Variants in NACC1 observed in about 807,000 individuals in gnomAD.
The protein encoded by NACC1 is nucleus accumbens-associated protein 1.
Under a neutral mutation model 41.7 loss-of-function variants are expected in NACC1, and 6 were observed. The observed-to-expected ratio is 0.14, with a 90% CI of 0.08 to 0.28. The LOEUF (loss-of-function observed/expected upper bound fraction) is 0.28, where lower values mean the gene tolerates loss of function less well. NACC1 is among the 10% of genes least tolerant of loss of function. The pLI, the probability that NACC1 is intolerant of heterozygous loss-of-function variation, is 1.00. For synonymous variants in NACC1, 338 were observed against 330.6 expected (o/e 1.02, Z -0.24); for missense variants, 434 against 763.7 (o/e 0.57, Z 5.09).
In NACC1 at chr19:13,137,193, C is replaced by G; in HGVS notation, c.1121-78C>G. The G allele has an allele frequency of 2.1e-6, 3 of 1,419,820 alleles. No homozygotes were observed. Among genetic ancestry groups the G allele is most frequent in the Non-Finnish European group, 2.0e-6 (2 of 1,010,076 alleles). 88.0% of individuals were successfully genotyped at this position (1,419,820 alleles called of 1,614,324 possible). On this transcript the variant is annotated intron_variant, in intron 3 of 5. Coordinates refer to ENST00000292431, the MANE Select transcript of NACC1 (RefSeq NM_052876.4). This position sits in a 1 kb window ranked among gnomAD's most constrained non-coding sequence, Gnocchi z 6.1. ...CCCAGCAGGGAGGGCCTGGGGTGTT[C>G]TGAGATGAGGCCTGGTATCATGGGG...
intron 1 of NACC1, among the ~76,000 whole-genome samples, chr19:13,121,326 G>A (rs2019489147): frequency 6.6e-6 from 1 of 152,056 alleles, no homozygotes; most frequent in African/African-American, 2.4e-5. Flanking sequence ...GGAAGGAGTG[G>A]GGGGATGACC....
intron 1 of NACC1, among the ~76,000 whole-genome samples, chr19:13,132,798 G>GT (rs1215117046): frequency 6.6e-6 from 1 of 152,182 alleles, no homozygotes; most frequent in Non-Finnish European, 1.5e-5. Flanking sequence ...TGATCATTCA[G>GT]TAACAATAAG....
chr19:13,126,099 A>AT (rs1568382891), intron 1 of NACC1, among the ~76,000 whole-genome samples: 1 of 148,440 alleles, frequency 6.7e-6, no homozygotes, highest in African/African-American at 2.5e-5. Flanking sequence ...GCTGGAGTGC[A>AT]TTGGCCCGAT....
At chr19:13,127,955 G>A (rs1210154259) in intron 1 of NACC1, among the ~76,000 whole-genome samples, 1 of 152,202 alleles carries the variant, frequency 6.6e-6, no homozygotes. Context: ...GGGCCAGACT[G>A]CCAGGGGCCC....
chr19:13,122,621 ATGAT>A (rs1364668786), intron 1 of NACC1, among the ~76,000 whole-genome samples: 2 of 151,738 alleles, frequency 1.3e-5, no homozygotes, highest in African/African-American at 4.8e-5. Context: ...ACCACAAAGA[ATGAT>A]TGACGCAAAT....
At chr19:13,123,472 G>A (rs1051397119) in intron 1 of NACC1, among the ~76,000 whole-genome samples, 2 of 152,310 alleles carry the variant, frequency 1.3e-5, no homozygotes, top group African/African-American at 4.8e-5. Flanking sequence ...GGCAGCACGC[G>A]GAGACTGCTC....
At chr19:13,125,548 G>C (rs940968207) in intron 1 of NACC1, among the ~76,000 whole-genome samples, 1 of 151,044 alleles carries the variant, frequency 6.6e-6, no homozygotes, top group African/African-American at 2.4e-5. Flanking sequence ...AGCCTCCCAA[G>C]TAGCTGGGAT....
Position 13,135,422 on chromosome 19 carries a change from C to T in NACC1, c.215C>T (p.Ala72Val). ...AGCGCCGTGGTGGAGCTGCCGGCGG[C>T]TGTGCAGCCCCAGTCTTTCCAGCAG... ...SRSAVVELPA[A>V]VQPQSFQQIL... The change falls in exon 2 of 6, where the codon GCT becomes GTT. Residue 72 changes from alanine to valine, a missense_variant. Coordinates refer to ENST00000292431, the MANE Select transcript of NACC1 (RefSeq NM_052876.4). 6.2e-7 allele frequency: 1 copy of T among 1,612,878 alleles called. No individual in the cohort carries two copies. The highest frequency in any genetic ancestry group is 8.5e-7 in the Non-Finnish European group (1 of 1,179,562).
chr19:13,137,353 G>C lies in NACC1; in HGVS notation c.1203G>C (p.Arg401=). 6.2e-7 allele frequency: 1 copy of C among 1,613,742 alleles called. No homozygotes were observed. The change falls in exon 4 of 6, where the codon CGG becomes CGC. Residue 401 remains arginine (R), a synonymous_variant. Coordinates refer to ENST00000292431, the MANE Select transcript of NACC1 (RefSeq NM_052876.4). The surrounding 1 kb of genome is among the most constrained non-coding windows in gnomAD (Gnocchi z 6.1). Reference sequence around the variant, plus strand: ...CGCGGCACAAGGTCCTACTGCGGCGGCTCCTGGCCTCCTTCTTTGACCGGT... The same window carrying C: ...CGCGGCACAAGGTCCTACTGCGGCGCCTCCTGGCCTCCTTCTTTGACCGGT... ...AGTRHKVLLR[R]LLASFFDRNT...
rs1410250611 is a variant in NACC1, at chr19:13,138,010, G to A, written c.1325-137G>A. 7.9e-7 allele frequency: 1 copy of A among 1,265,954 alleles called. No homozygotes were observed. Among genetic ancestry groups the A allele is most frequent in the South Asian group, 1.4e-5 (1 of 72,710 alleles). The allele number at this position is 1,265,954 out of a possible 1,614,324, so 78.4% of individuals were successfully genotyped here. On this transcript the variant is annotated intron_variant, in intron 5 of 5. Coordinates refer to ENST00000292431, the MANE Select transcript of NACC1 (RefSeq NM_052876.4). This position sits in a 1 kb window ranked among gnomAD's most constrained non-coding sequence, Gnocchi z 5.7. ...TCCGGTGTAGGGTTGGGTGCACGTA[G>A]TGTGGTGTCCTGGCCGCGTGGCCTC...
chr19:13,135,157 C>T (rs1304998381), intron 1 of NACC1, 43 bp from the exon 2 acceptor site: 1 of 1,497,250 alleles, frequency 6.7e-7, no homozygotes, highest in Non-Finnish European at 8.9e-7. Context: ...CTGACCCCGT[C>T]CCTCCGTCTC....
rs2019776452 is a variant in NACC1, at chr19:13,140,614, TG to T, written c.*2211del. The T allele has an allele frequency of 1.9e-4, 4 of 20,822 alleles. No individual in the cohort carries two copies. Among genetic ancestry groups the T allele is most frequent in the Admixed American group, 1.5e-3 (3 of 2,060 alleles). The allele number at this position is 20,822 out of a possible 1,614,324, so 1.3% of individuals were successfully genotyped here. A position where few individuals can be genotyped will look rare whatever the true frequency, so the allele number is the denominator to read the frequency against. On this transcript the variant is annotated 3_prime_UTR_variant, in exon 6 of 6. Transcript: ENST00000292431. The surrounding 1 kb of genome is among the most constrained non-coding windows in gnomAD (Gnocchi z 4.0). ...GCCCCCTGGCTCCCAGGACTGTGTG[TG>T]GGTCCGGGGGGTGGGGGGGTGGGGA... is the stretch of plus-strand genomic sequence containing the variant.
rs2019755619 is a variant in NACC1, at chr19:13,139,489, T to A, written c.*1083T>A. 1 of 152,514 alleles carries A rather than the reference T, an allele frequency of 6.6e-6. No homozygotes were observed. The highest frequency in any genetic ancestry group is 1.5e-5 in the Non-Finnish European group (1 of 68,456). 9.4% of individuals were successfully genotyped at this position (152,514 alleles called of 1,614,324 possible). On this transcript the variant is annotated 3_prime_UTR_variant, in exon 6 of 6. Coordinates refer to ENST00000292431, the MANE Select transcript of NACC1 (RefSeq NM_052876.4). ...GGTGTTGGGGGGCTGGGGGGCAGGC[T>A]GAATGTGTGTGTGTGGGTGTGTATG...
At chr19:13,117,450 T>C (rs1441218473), upstream of NACC1, 1 of 152,286 alleles carries the variant, frequency 6.6e-6, no homozygotes, top group Admixed American at 6.5e-5. Context: ...TTAGGTCTTA[T>C]TGTCGCTTTT....
In NACC1 at chr19:13,135,739, T is replaced by C; in HGVS notation, c.532T>C (p.Cys178Arg). The C allele has an allele frequency of 6.4e-7, 1 of 1,558,722 alleles. No homozygotes were observed. Among genetic ancestry groups the C allele is most frequent in the Non-Finnish European group, 8.7e-7 (1 of 1,153,568 alleles). Residue 178 changes from cysteine to arginine, a missense_variant, in exon 2 of 6, where the codon TGC becomes CGC. Around this residue, in one of 4 missense-constraint regions of NACC1, gnomAD observed 234 missense variants for 308.3 expected, o/e 0.76. Coordinates refer to ENST00000292431, the MANE Select transcript of NACC1 (RefSeq NM_052876.4). ...GCAGCAGGAGTCGGACTCCGTGCAG[T>C]GCATGCCCGTGGCCAAGCGGCTGTG... is the stretch of plus-strand genomic sequence containing the variant. ...TEQQESDSVQ[C>R]MPVAKRLWDS...
At chr19:13,135,075 C>T in intron 1 of NACC1, 125 bp from the exon 2 acceptor site, 1 of 1,422,320 alleles carries the variant, frequency 7.0e-7, no homozygotes, top group Non-Finnish European at 9.2e-7. Flanking sequence ...ATGGTAGATT[C>T]CATCGTGCGG....
chr19:13,125,797 T>G (rs986222988), intron 1 of NACC1, among the ~76,000 whole-genome samples: 4 of 152,094 alleles, frequency 2.6e-5, no homozygotes, highest in African/African-American at 9.7e-5. Context: ...TAGAGTGCAG[T>G]GGCGTGATCT....
chr19:13,119,066 C>CAGATGTGGGGAGGGGGAGGCT (rs1318856620), intron 1 of NACC1, among the ~76,000 whole-genome samples: 1 of 86,294 alleles, frequency 1.2e-5, no homozygotes, highest in East Asian at 2.9e-4. Flanking sequence ...GGTCAGGACT[C>CAGATGTGGGGAGGGGGAGGCT]AGATGTGGGG....
At chr19:13,133,422 AC>A (rs907458865) in intron 1 of NACC1, among the ~76,000 whole-genome samples, 6 of 150,026 alleles carry the variant, frequency 4.0e-5, no homozygotes, top group African/African-American at 1.5e-4. Flanking sequence ...CCCTCACCAC[AC>A]CCCCATTCTC....
Sources: allele counts gnomAD v4.1 joint callset (sites outside exome capture counted in the v4.1 genomes callset), GRCh38; gene constraint gnomAD v4.1.1; regional missense constraint gnomAD v4.1.1; non-coding constraint Gnocchi (gnomAD v3.1); transcripts MANE v1.5; gene names NCBI Gene and HGNC (gene_info 2026-07-23, HGNC 2026-07-21).